ADAMTS17: variants seen among roughly 807,000 people sequenced by gnomAD.
The protein encoded by ADAMTS17 is ADAM metallopeptidase with thrombospondin type 1 motif 17.
ADAMTS17 carries 113 observed loss-of-function variants against 141.5 expected under a neutral mutation model. The ratio of observed to expected loss-of-function variants is 0.80; its 90% confidence interval spans 0.69 to 0.93. The LOEUF is 0.93. Ranked by LOEUF, ADAMTS17 falls within the 40% of genes least tolerant of loss-of-function variation. The pLI is 0.00. For missense variants in ADAMTS17, 1,659 were observed against 1,517.9 expected, an observed-to-expected ratio of 1.09 and a Z score of -1.54; for synonymous variants, 768 against 630.6, an observed-to-expected ratio of 1.22 and a Z score of -3.27.
In ADAMTS17 at chr15:99,971,840, G is replaced by A. The variant is rs1267155089; in HGVS notation, c.*2562C>T. On this transcript the variant is annotated 3_prime_UTR_variant, in exon 22 of 22. Transcript: ENST00000268070. ...TACAGTACTCGAGGGACAGTACAGG[G>A]TATTAACACAGAAACATCACTGCTG... 2 of 152,246 alleles carry A rather than the reference G, an allele frequency of 1.3e-5. No homozygotes were observed. Among genetic ancestry groups the A allele is most frequent in the Admixed American group, 6.5e-5 (1 of 15,290 alleles). The allele number at this position is 152,246 out of a possible 1,614,324, so 9.4% of individuals were successfully genotyped here. A position where few individuals can be genotyped will look rare whatever the true frequency, so the allele number is the denominator to read the frequency against.
At chr15:100,097,836 C>T (rs529456377) in intron 14 of ADAMTS17, among the ~76,000 whole-genome samples, 3 of 152,320 alleles carry the variant, frequency 2.0e-5, no homozygotes, top group Non-Finnish European at 4.4e-5. Context: ...GGTGAATGCT[C>T]TTCATATTTA....
At chr15:99,986,203 T>C (rs1253192579) in intron 20 of ADAMTS17, among the ~76,000 whole-genome samples, 1 of 152,228 alleles carries the variant, frequency 6.6e-6, no homozygotes, top group African/African-American at 2.4e-5. Context: ...GCCTCAGAGA[T>C]GGTGTGTCCA....
At chr15:100,113,581 G>C (rs1353539773) in intron 13 of ADAMTS17, among the ~76,000 whole-genome samples, 1 of 152,222 alleles carries the variant, frequency 6.6e-6, no homozygotes, top group Admixed American at 6.5e-5. Flanking sequence ...TACATAAGAG[G>C]TGCCGTGGGC....
chr15:100,294,250 T>C (rs571235110), intron 3 of ADAMTS17, among the ~76,000 whole-genome samples: 20 of 152,262 alleles, frequency 1.3e-4, no homozygotes, highest in Middle Eastern at 3.4e-3. Context: ...CAGAACCACA[T>C]AGCAAACTTG....
intron 18 of ADAMTS17, among the ~76,000 whole-genome samples, chr15:100,014,342 G>C (rs1048609012): frequency 6.6e-6 from 1 of 151,902 alleles, no homozygotes; most frequent in African/African-American, 2.4e-5. Flanking sequence ...CCAGCTTTTT[G>C]TTTATCTTTT....
chr15:100,287,060 CA>C (rs1247729620), intron 3 of ADAMTS17, among the ~76,000 whole-genome samples: 2 of 152,142 alleles, frequency 1.3e-5, no homozygotes, highest in Non-Finnish European at 2.9e-5. Context: ...TGGTGGCACA[CA>C]CCTGTAGTCC....
At chr15:100,194,186 G>C (rs889448389) in intron 8 of ADAMTS17, among the ~76,000 whole-genome samples, 2 of 152,176 alleles carry the variant, frequency 1.3e-5, no homozygotes, top group African/African-American at 4.8e-5. Context: ...CCTGTCTCTA[G>C]ACATCTCCCA....
chr15:100,050,043 T>C (rs1199715254), intron 17 of ADAMTS17, among the ~76,000 whole-genome samples: 3 of 152,244 alleles, frequency 2.0e-5, no homozygotes, highest in African/African-American at 7.2e-5. Flanking sequence ...CTGCTGGGTC[T>C]GTGTCCTGGG....
At position 99,997,661 on chromosome 15, in the gene ADAMTS17, G is replaced by T. The variant is rs113426361; in HGVS notation, c.2592-72C>A. On this transcript the variant is annotated intron_variant, in intron 18 of 21. Coordinates refer to ENST00000268070, the MANE Select transcript of ADAMTS17 (RefSeq NM_139057.4). This position sits in a 1 kb window ranked among gnomAD's most constrained non-coding sequence, Gnocchi z 4.7. Reference sequence around the variant, plus strand: ...AGCCTCTCCGGAGGGCCTTCCGGCCGGATCCTGGAATTGCTGCCCTGTGGT... The same window carrying T: ...AGCCTCTCCGGAGGGCCTTCCGGCCTGATCCTGGAATTGCTGCCCTGTGGT... 1.9e-6 allele frequency: 3 copies of T among 1,591,260 alleles called. No homozygotes were observed. In the East Asian group the frequency reaches 6.7e-5, roughly 36 times the overall value.
At chr15:100,161,256 G>A (rs2039680431) in intron 8 of ADAMTS17, among the ~76,000 whole-genome samples, 1 of 152,208 alleles carries the variant, frequency 6.6e-6, no homozygotes, top group Admixed American at 6.5e-5. Flanking sequence ...AATCTCGCAG[G>A]ACATGAGTAG....
chr15:100,203,919 G>A (rs1184443760), intron 7 of ADAMTS17, among the ~76,000 whole-genome samples: 3 of 151,762 alleles, frequency 2.0e-5, no homozygotes, highest in Non-Finnish European at 2.9e-5. Context: ...AAGAAGGGGT[G>A]TAATGAATTC....
intron 8 of ADAMTS17, among the ~76,000 whole-genome samples, chr15:100,185,512 TCCA>T (rs1460238322): frequency 6.6e-6 from 1 of 152,136 alleles, no homozygotes; most frequent in Non-Finnish European, 1.5e-5. Context: ...TCCAAAAATC[TCCA>T]CTTCAACCCC....
intron 7 of ADAMTS17, among the ~76,000 whole-genome samples, chr15:100,236,899 A>G (rs1007422689): frequency 2.6e-5 from 4 of 152,086 alleles, no homozygotes; most frequent in African/African-American, 9.7e-5. Flanking sequence ...TGCCCCCAAA[A>G]CAGAGCCAGG....
intron 2 of ADAMTS17, among the ~76,000 whole-genome samples, chr15:100,340,167 C>A (rs975837078): frequency 6.6e-6 from 1 of 152,224 alleles, no homozygotes; most frequent in African/African-American, 2.4e-5. Context: ...ATGTGTGCGG[C>A]TTTCGGGGCA....
At chr15:100,306,359 C>T (rs1317369042) in intron 3 of ADAMTS17, 11 of 399,300 alleles carry the variant, frequency 2.8e-5, no homozygotes, top group South Asian at 3.7e-5. Flanking sequence ...GCTGGGCTTG[C>T]GGGAACTCTT....
At chr15:100,144,947 A>G (rs1329537796) in intron 10 of ADAMTS17, among the ~76,000 whole-genome samples, 1 of 152,148 alleles carries the variant, frequency 6.6e-6, no homozygotes, top group African/African-American at 2.4e-5. Context: ...TAATCTACCC[A>G]GTTTCTTTTC....
At chr15:100,213,354 T>C (rs1442587212) in intron 7 of ADAMTS17, among the ~76,000 whole-genome samples, 1 of 152,070 alleles carries the variant, frequency 6.6e-6, no homozygotes, top group Non-Finnish European at 1.5e-5. Context: ...AAGCCATTTG[T>C]TGATGGTGTT....
chr15:100,325,763 T>C (rs2045881283), intron 3 of ADAMTS17, among the ~76,000 whole-genome samples: 1 of 152,232 alleles, frequency 6.6e-6, no homozygotes, highest in South Asian at 2.1e-4. Flanking sequence ...ATGCTTTATG[T>C]AGACGCTGCA....
rs917412020 is a variant in ADAMTS17 at position 100,224,600 on chromosome 15, G to A, written c.1076-25177C>T. On this transcript the variant is annotated intron_variant, in intron 7 of 21. Coordinates refer to ENST00000268070, the MANE Select transcript of ADAMTS17 (RefSeq NM_139057.4). ...TATTCTCCTTTATTATAAGGTCCTC[G>A]TTCTTCACCCCCAGTGCAAAGGCGA... Among the ~76,000 whole-genome samples, 7 of 152,158 alleles carry A rather than the reference G, an allele frequency of 4.6e-5. No individual in the cohort carries two copies. The South Asian group carries it at 1.4e-3, about 32-fold the overall frequency.
Sources: allele counts gnomAD v4.1 joint callset (sites outside exome capture counted in the v4.1 genomes callset), GRCh38; gene constraint gnomAD v4.1.1; non-coding constraint Gnocchi (gnomAD v3.1); transcripts MANE v1.5; gene names NCBI Gene and HGNC (gene_info 2026-07-23, HGNC 2026-07-21).